Variants in ACER1 observed in about 807,000 individuals in gnomAD.
ACER1 encodes alkaline ceramidase 1.
In ACER1, 28 loss-of-function variants were observed where a neutral mutation model predicts 24.9. That is an observed-to-expected ratio of 1.13 (90% CI 0.83 to 1.54). The LOEUF (loss-of-function observed/expected upper bound fraction) is 1.54. Ranked by LOEUF, ACER1 falls within the 40% of genes most tolerant of loss-of-function variation. The probability of loss-of-function intolerance (pLI) is 0.00; values close to 1 mark genes in which losing one functional copy is unlikely to be tolerated. For synonymous variants in ACER1, 132 were observed against 131.4 expected (o/e 1.00, Z -0.03); for missense variants, 352 against 349.3 (o/e 1.01, Z -0.06).
intron 3 of ACER1, among the ~76,000 whole-genome samples, chr19:6,311,331 A>G (rs553491811): frequency 1.5e-4 from 23 of 151,662 alleles, no homozygotes; most frequent in Non-Finnish European, 2.8e-4. Context: ...ATCACTTGAG[A>G]TCAGGAGATC....
Position 6,306,483 on chromosome 19 carries a change from T to G in ACER1, c.*231A>C. 2.1e-6 allele frequency: 1 copy of G among 484,260 alleles called. No homozygotes were observed. The highest frequency in any genetic ancestry group is 3.7e-6 in the Non-Finnish European group (1 of 271,244). The allele number at this position is 484,260 out of a possible 1,614,324, so 30.0% of individuals were successfully genotyped here. Reference sequence around the variant, plus strand: ...AAATGAAAGAGGATGGGGGGGGTCATGGAGGGGAGATGCACGAGACAGCCC... The same window carrying G: ...AAATGAAAGAGGATGGGGGGGGTCAGGGAGGGGAGATGCACGAGACAGCCC... On this transcript the variant is annotated 3_prime_UTR_variant, in exon 6 of 6. Transcript: ENST00000301452.
At chr19:6,307,592 T>G (rs1429396620) in intron 4 of ACER1, among the ~76,000 whole-genome samples, 2 of 147,886 alleles carry the variant, frequency 1.4e-5, no homozygotes, top group African/African-American at 5.0e-5. Flanking sequence ...AAGACCAGCC[T>G]GGGCAAAATA....
the ACER1 span, among the ~76,000 whole-genome samples, chr19:6,359,003 A>G: frequency 4.6e-3 from 693 of 151,316 alleles, 15 homozygotes; most frequent in East Asian, 0.059. Flanking sequence ...AGGCTGAGGC[A>G]GGAGGATCAC....
intron 1 of ACER1, among the ~76,000 whole-genome samples, chr19:6,317,907 A>G (rs989463198): frequency 4.0e-5 from 6 of 151,878 alleles, no homozygotes; most frequent in African/African-American, 1.5e-4. Flanking sequence ...GGCACTCACC[A>G]CCATGTATGT....
At chr19:6,331,453 A>G (rs1209187231) in intron 1 of ACER1, among the ~76,000 whole-genome samples, 2 of 147,310 alleles carry the variant, frequency 1.4e-5, no homozygotes, top group Non-Finnish European at 1.5e-5. Context: ...CCAGCCAGCA[A>G]GCACTCTTCT....
chr19:6,336,168 TG>T (rs1485093735), upstream of ACER1, among the ~76,000 whole-genome samples: 1 of 152,070 alleles, frequency 6.6e-6, no homozygotes, highest in Non-Finnish European at 1.5e-5. Flanking sequence ...CCCAAAGTGC[TG>T]GGATTACAGG....
chr19:6,338,588 C>T (rs1042031446), upstream of ACER1, among the ~76,000 whole-genome samples: 61 of 152,000 alleles, frequency 4.0e-4, no homozygotes, highest in African/African-American at 1.5e-3. Context: ...ATAATTATTC[C>T]ATTTTTTTTA....
chr19:6,340,629 G>A, the ACER1 span, among the ~76,000 whole-genome samples: 1 of 152,136 alleles, frequency 6.6e-6, no homozygotes, highest in African/African-American at 2.4e-5. Flanking sequence ...AGCTGGAACA[G>A]GACCCAGCTG....
Position 6,306,677 on chromosome 19 carries a change from T to C in ACER1, c.*37A>G, listed in dbSNP as rs774472088. ...GCTATCTTCTCAAGACACAGGCAAG[T>C]TGTTGGGTGGTTGGATAGTCAAGAG... is the stretch of plus-strand genomic sequence containing the variant. On this transcript the variant is annotated 3_prime_UTR_variant, in exon 6 of 6. Transcript: ENST00000301452. 1.9e-6 allele frequency: 3 copies of C among 1,571,048 alleles called. No individual in the cohort carries two copies. The highest frequency in any genetic ancestry group is 2.4e-5 in the South Asian group (2 of 84,640).
Position 6,312,367 on chromosome 19 carries a change from T to C in ACER1, c.208+18A>G. The stretch of plus-strand genomic sequence containing the variant: ...CACTGCCTCCCGACTGTCACAGACC[T>C]GAACCACACCTCCCTACCTATGATC... On this transcript the variant is annotated intron_variant, in intron 2 of 5. Coordinates refer to ENST00000301452, the MANE Select transcript of ACER1 (RefSeq NM_133492.3). 1 of 1,613,666 alleles carries C rather than the reference T, an allele frequency of 6.2e-7. No homozygotes were observed. The highest frequency in any genetic ancestry group is 1.1e-5 in the South Asian group (1 of 91,044).
the ACER1 span, among the ~76,000 whole-genome samples, chr19:6,345,494 T>G: frequency 6.6e-6 from 1 of 151,982 alleles, no homozygotes; most frequent in Admixed American, 6.6e-5. Flanking sequence ...GCCCTCCCCT[T>G]GTTTTCCTGA....
intron 2 of ACER1, 29 bp downstream of exon 2, chr19:6,312,356 T>C (rs1483964001): frequency 6.2e-7 from 1 of 1,613,702 alleles, no homozygotes; most frequent in South Asian, 1.1e-5. Context: ...GCCTCCCGAC[T>C]GTCACAGACC....
the ACER1 span, among the ~76,000 whole-genome samples, chr19:6,351,898 T>C: frequency 6.6e-6 from 1 of 151,126 alleles, no homozygotes; most frequent in Non-Finnish European, 1.5e-5. Flanking sequence ...GTACTAAACA[T>C]ACCAAAAATT....
At chr19:6,353,034 T>C in the ACER1 span, among the ~76,000 whole-genome samples, 1 of 152,086 alleles carries the variant, frequency 6.6e-6, no homozygotes, top group South Asian at 2.1e-4. Flanking sequence ...ACACATTAAA[T>C]ATTTATGGAG....
intron 1 of ACER1, among the ~76,000 whole-genome samples, chr19:6,319,814 TA>T (rs2091621266): frequency 6.6e-6 from 1 of 151,912 alleles, no homozygotes; most frequent in Non-Finnish European, 1.5e-5. Context: ...AGAATACACA[TA>T]AATAATACAG....
the ACER1 span, among the ~76,000 whole-genome samples, chr19:6,357,757 C>T: frequency 1.4e-5 from 2 of 145,700 alleles, no homozygotes; most frequent in East Asian, 2.0e-4. Flanking sequence ...AGTGAGACCC[C>T]GTCTCAAAAA....
rs138412227 is a variant in ACER1, at chr19:6,317,470, T to C, written c.94-4971A>G. On this transcript the variant is annotated intron_variant, in intron 1 of 5. Transcript: ENST00000301452. ...CCTCCATGCGCCTCTTCTCAGCCCG[T>C]GGCCCTAGTTCAGTTGCCTCCATTT... Among the ~76,000 whole-genome samples the C allele has an allele frequency of 9.2e-3, 1,401 of 152,342 alleles. 10 individuals carry two copies. Among genetic ancestry groups the C allele is most frequent in the Non-Finnish European group, 0.014 (985 of 68,024 alleles).
At chr19:6,324,860 A>AAGGGAGGGAGGAAGG (rs2091651831) in intron 1 of ACER1, among the ~76,000 whole-genome samples, 2 of 100,288 alleles carry the variant, frequency 2.0e-5, no homozygotes, top group African/African-American at 7.7e-5. Context: ...AGAGAGAGAG[A>AAGGGAGGGAGGAAGG]AAGGAAGGAA....
the ACER1 span, among the ~76,000 whole-genome samples, chr19:6,358,491 A>T: frequency 4.6e-3 from 696 of 152,158 alleles, 5 homozygotes; most frequent in African/African-American, 0.016. Flanking sequence ...CCCAGCATCA[A>T]GTTTAAGAGT....
Sources: gnomAD v4.1 joint callset for allele counts (sites outside exome capture counted in the v4.1 genomes callset) on GRCh38, gnomAD v4.1.1 for gene constraint, MANE v1.5 for transcripts, NCBI Gene and HGNC (gene_info 2026-07-23, HGNC 2026-07-21) for gene names.